Variants in G6PC3 observed in about 807,000 individuals in gnomAD.
G6PC3 encodes glucose-6-phosphatase catalytic subunit 3.
Under a neutral mutation model 38.6 loss-of-function variants are expected in G6PC3, and 30 were observed. That is an observed-to-expected ratio of 0.78 (90% CI 0.58 to 1.05). The LOEUF (loss-of-function observed/expected upper bound fraction) is 1.05, where lower values mean the gene tolerates loss of function less well. Among genes scored for constraint, G6PC3 ranks in the 50% least tolerant of loss-of-function variants. The pLI is 0.00. For synonymous variants in G6PC3, 192 were observed against 178.1 expected (o/e 1.08, Z -0.62); for missense variants, 377 against 443.1 (o/e 0.85, Z 1.34).
At position 44,075,843 on chromosome 17, in the gene G6PC3, GGCCAGAAGATA is replaced by G; in HGVS notation, c.845_855del (p.Gln282LeufsTer101). On this transcript the variant is annotated frameshift_variant, in exon 6 of 6. Transcript: ENST00000269097. LOFTEE classifies it high-confidence loss of function. ...GGTGCGTCGGGCACAGCTGGGAAATGGCCAGAAGATAGCCTGCCTTGTGCTGGCCATGGGGC... is the reference window on the plus strand; with the variant it reads ...GGTGCGTCGGGCACAGCTGGGAAATGGCCTGCCTTGTGCTGGCCATGGGGC... 1.9e-6 allele frequency: 3 copies of G among 1,612,138 alleles called. No homozygotes were observed. The highest frequency in any genetic ancestry group is 2.5e-6 in the Non-Finnish European group (3 of 1,180,016).
In G6PC3 at chr17:44,074,175, C is replaced by T. The variant is rs2050031557; in HGVS notation, c.234C>T (p.Asp78=). ...NLIFKWFLFG[D]RPFWWVHESG... ...TCTCTTCCAGGTTTCTTTTTGGAGA[C>T]AGGCCCTTTTGGTGGGTCCATGAGT... The change falls in exon 2 of 6, where the codon GAC becomes GAT. Residue 78 remains aspartate (D), a synonymous_variant. Transcript: ENST00000269097. 1 of 1,613,352 alleles carries T rather than the reference C, an allele frequency of 6.2e-7. No individual in the cohort carries two copies. Among genetic ancestry groups the T allele is most frequent in the Non-Finnish European group, 8.5e-7 (1 of 1,179,362 alleles).
Position 44,075,802 on chromosome 17 carries a change from CT to C in G6PC3, c.801del (p.Cys269AlafsTer16), listed in dbSNP as rs1567970880. The C allele has an allele frequency of 6.2e-7, 1 of 1,611,850 alleles. No homozygotes were observed. The highest frequency in any genetic ancestry group is 1.7e-5 in the Admixed American group (1 of 60,034). On this transcript the variant is annotated frameshift_variant, in exon 6 of 6. Transcript: ENST00000269097. LOFTEE classifies it high-confidence loss of function. ...AALGLGIALH[S>X]PCYAQVRRAQ... ...CTGGGCCTGGGCATTGCCTTGCACT[CT>C]CCCTGCTATGCCCAGGTGCGTCGGG... is the stretch of plus-strand genomic sequence containing the variant.
chr17:44,071,287 C>A (rs1267271465), intron 1 of G6PC3, 104 bp downstream of exon 1: 2 of 1,528,300 alleles, frequency 1.3e-6, no homozygotes, highest in Non-Finnish European at 1.8e-6. Flanking sequence ...GGCCTTCCCA[C>A]CCCTACTCTG....
chr17:44,076,099 C>A lies in G6PC3; in HGVS notation c.*56C>A. 1.2e-6 allele frequency: 2 copies of A among 1,604,270 alleles called. No homozygotes were observed. The highest frequency in any genetic ancestry group is 1.7e-6 in the Non-Finnish European group (2 of 1,178,682). ...CCACAAAGCCAACACTCTGTGACCA[C>A]CACACTCCAGGAGGCAGCCCCATCC... On this transcript the variant is annotated 3_prime_UTR_variant, in exon 6 of 6. Transcript: ENST00000269097.
At chr17:44,071,662 T>C (rs2049981437) in intron 1 of G6PC3, 1 of 1,284,668 alleles carries the variant, frequency 7.8e-7, no homozygotes, top group Non-Finnish European at 1.0e-6. Context: ...CGGTAGCTGC[T>C]AAGGACAGAG....
rs549733860 is a variant in G6PC3 at position 44,074,353 on chromosome 17, A to G, written c.325+87A>G. 9.7e-4 allele frequency: 1,006 copies of G among 1,032,060 alleles called. 1 individual carries two copies. Among genetic ancestry groups the G allele is most frequent in the Non-Finnish European group, 1.4e-3 (939 of 649,326 alleles). 63.9% of individuals were successfully genotyped at this position (1,032,060 alleles called of 1,614,324 possible). A position where few individuals can be genotyped will look rare whatever the true frequency, so the allele number is the denominator to read the frequency against. On this transcript the variant is annotated intron_variant, in intron 2 of 5. Coordinates refer to ENST00000269097, the MANE Select transcript of G6PC3 (RefSeq NM_138387.4). ...AGTACTTTTCAGCCTGGGTGGCCCAACCAAAGGACCAGCCTCTCAATTACT... is the reference window on the plus strand; with the variant it reads ...AGTACTTTTCAGCCTGGGTGGCCCAGCCAAAGGACCAGCCTCTCAATTACT...
Position 44,070,949 on chromosome 17 carries a change from T to G in G6PC3, c.-17T>G. 3.2e-6 allele frequency: 5 copies of G among 1,548,918 alleles called. No homozygotes were observed. The highest frequency in any genetic ancestry group is 4.4e-6 in the Non-Finnish European group (5 of 1,146,974). On this transcript the variant is annotated 5_prime_UTR_variant, in exon 1 of 6. Coordinates refer to ENST00000269097, the MANE Select transcript of G6PC3 (RefSeq NM_138387.4). The stretch of plus-strand genomic sequence containing the variant: ...CGCCCTGGAGCAAGCCGGGGCCTGG[T>G]CGGCAGCTGGGCCGCCATGGAGTCC...
intron 2 of G6PC3, 135 bp from the exon 3 acceptor site, chr17:44,074,545 C>G (rs2050038725): frequency 1.3e-6 from 1 of 791,462 alleles, no homozygotes; most frequent in South Asian, 1.4e-5. Context: ...GGCCTCAGAG[C>G]AGAGCGAGTT....
rs1277567418 is a variant in G6PC3, at chr17:44,076,297, T to C, written c.*254T>C. 1.2e-5 allele frequency: 8 copies of C among 684,278 alleles called. No homozygotes were observed. The highest frequency in any genetic ancestry group is 1.1e-4 in the African/African-American group (6 of 56,892). The allele number at this position is 684,278 out of a possible 1,614,324, so 42.4% of individuals were successfully genotyped here. On this transcript the variant is annotated 3_prime_UTR_variant, in exon 6 of 6. Coordinates refer to ENST00000269097, the MANE Select transcript of G6PC3 (RefSeq NM_138387.4). ...CAAGACCAGCGGGTTCTTGCAACAC[T>C]GTGAGGGGCAGCCAGGGCGGCCCCA...
At position 44,070,866 on chromosome 17, in the gene G6PC3, G is replaced by A; in HGVS notation, c.-100G>A. The A allele has an allele frequency of 2.2e-6, 3 of 1,374,062 alleles. No individual in the cohort carries two copies. The highest frequency in any genetic ancestry group is 3.0e-6 in the Non-Finnish European group (3 of 1,000,960). The allele number at this position is 1,374,062 out of a possible 1,614,324, so 85.1% of individuals were successfully genotyped here. On this transcript the variant is annotated 5_prime_UTR_variant, in exon 1 of 6. Coordinates refer to ENST00000269097, the MANE Select transcript of G6PC3 (RefSeq NM_138387.4). ...GGCGGGGCGGGGCCTGGGGCTCAGA[G>A]GGGTGGGCTTTGGAGATCAGAGGGT...
Position 44,075,400 on chromosome 17 carries a change from G to A in G6PC3, c.626G>A (p.Gly209Asp), listed in dbSNP as rs764056109. 2 of 1,614,168 alleles carry A rather than the reference G, an allele frequency of 1.2e-6. No individual in the cohort carries two copies. The highest frequency in any genetic ancestry group is 1.7e-6 in the Non-Finnish European group (2 of 1,180,022). The change falls in exon 5 of 6, where the codon GGC becomes GAC. Residue 209 changes from glycine to aspartate, a missense_variant. By Grantham distance (94) the Gly-to-Asp change is moderately conservative. Coordinates refer to ENST00000269097, the MANE Select transcript of G6PC3 (RefSeq NM_138387.4). ...YGLTALALML[G>D]TSLIYWTLFT... The stretch of plus-strand genomic sequence containing the variant: ...TTGACTGCACTGGCCCTCATGCTAG[G>A]CACCAGCCTCATCTATTGGACCCTC...
intron 3 of G6PC3, 69 bp downstream of exon 3, chr17:44,074,839 G>T (rs986059318): frequency 2.0e-6 from 3 of 1,517,040 alleles, no homozygotes; most frequent in Non-Finnish European, 2.7e-6. Context: ...AGACACAGCA[G>T]CATGGCAGCC....
At chr17:44,074,121 G>A in intron 1 of G6PC3, 39 bp from the exon 2 acceptor site, 1 of 1,416,678 alleles carries the variant, frequency 7.1e-7, no homozygotes, top group East Asian at 2.3e-5. Flanking sequence ...CTGGCTGTGT[G>A]TGCATGTGGA....
chr17:44,076,044 CTTCT>C lies in G6PC3; in HGVS notation c.*3_*6del. ...AGCACCGCCCATCCACTCTTCCTGACTTCTTGTGTGCCTCCCTTTCCTTTCCCTC... is the reference window on the plus strand; with the variant it reads ...AGCACCGCCCATCCACTCTTCCTGACTGTGTGCCTCCCTTTCCTTTCCCTC... On this transcript the variant is annotated 3_prime_UTR_variant, in exon 6 of 6. Coordinates refer to ENST00000269097, the MANE Select transcript of G6PC3 (RefSeq NM_138387.4). 1 of 1,612,566 alleles carries C rather than the reference CTTCT, an allele frequency of 6.2e-7. No homozygotes were observed.
rs2049990359 is a variant in G6PC3, at chr17:44,072,095, A to G, written c.218+912A>G. On this transcript the variant is annotated intron_variant, in intron 1 of 5. Coordinates refer to ENST00000269097, the MANE Select transcript of G6PC3 (RefSeq NM_138387.4). ...GGAATGACTTGCTGAAAAACAACAT[A>G]GAGTTCCCCTCCCTTCCACTCTTTT... 4.0e-5 allele frequency: 9 copies of G among 222,502 alleles called. No homozygotes were observed. In the South Asian group the frequency reaches 4.4e-4, roughly 11 times the overall value. 13.8% of individuals were successfully genotyped at this position (222,502 alleles called of 1,614,324 possible).
At chr17:44,074,369 C>A in intron 2 of G6PC3, 103 bp downstream of exon 2, 1 of 933,876 alleles carries the variant, frequency 1.1e-6, no homozygotes, top group Non-Finnish European at 1.8e-6. Context: ...GGACCAGCCT[C>A]TCAATTACTG....
At chr17:44,074,553 G>C in intron 2 of G6PC3, 127 bp from the exon 3 acceptor site, 2 of 822,952 alleles carry the variant, frequency 2.4e-6, no homozygotes, top group Non-Finnish European at 4.1e-6. Context: ...AGCAGAGCGA[G>C]TTATGAATCA....
At chr17:44,074,109 C>A (rs374812780) in intron 1 of G6PC3, 51 bp from the exon 2 acceptor site, 18 of 1,297,836 alleles carry the variant, frequency 1.4e-5, no homozygotes, top group Middle Eastern at 1.8e-4. Flanking sequence ...CTTGTACCCC[C>A]CCTGGCTGTG....
intron 1 of G6PC3, chr17:44,073,882 C>T: frequency 2.4e-6 from 1 of 416,974 alleles, no homozygotes. Flanking sequence ...TCATGAGCCA[C>T]TGTACCTGGC....
Sources: allele counts gnomAD v4.1 joint callset, GRCh38; gene constraint gnomAD v4.1.1; transcripts MANE v1.5; gene names NCBI Gene and HGNC (gene_info 2026-07-23, HGNC 2026-07-21).